Variants in DST observed in about 807,000 individuals in gnomAD.
The protein encoded by DST is dystonin, also known as bullous pemphigoid antigen.
Under a neutral mutation model 875.2 loss-of-function variants are expected in DST, and 253 were observed. The observed-to-expected ratio is 0.29, with a 90% CI of 0.26 to 0.32. The LOEUF (loss-of-function observed/expected upper bound fraction) is 0.32. Ranked by LOEUF, DST falls within the 10% of genes least tolerant of loss-of-function variation. DST has a pLI of 1.00. For synonymous variants in DST, 3,124 were observed against 3,197.1 expected (o/e 0.98, Z 0.77); for missense variants, 8,287 against 9,111.6 (o/e 0.91, Z 3.68).
intron 9 of DST, among the ~76,000 whole-genome samples, chr6:56,671,416 A>G (rs182294747): frequency 1.3e-5 from 2 of 152,332 alleles, no homozygotes; most frequent in Admixed American, 6.5e-5. Flanking sequence ...TCTCTCCTAT[A>G]TAACAATTTG....
At chr6:56,557,233 C>A in intron 59 of DST, 86 bp downstream of exon 59, 7 of 1,316,014 alleles carry the variant, frequency 5.3e-6, no homozygotes, top group Non-Finnish European at 7.5e-6. Context: ...ACCTACTGAC[C>A]AAAGTTAATA....
chr6:56,634,178 T>C lies in DST; in HGVS notation c.3575A>G (p.Tyr1192Cys), dbSNP rs968613595. Residue 1192 changes from tyrosine (Y) to cysteine (C), a missense_variant, in exon 27 of 104, where the codon TAT becomes TGT. Physicochemically the swap from Tyr to Cys is radical, Grantham distance 194 (BLOSUM62 -2). Around this residue, in one of 10 missense-constraint regions of DST, gnomAD observed 3,138 missense variants for 3,116.6 expected, o/e 1.01. Coordinates refer to ENST00000680361, the MANE Select transcript of DST (RefSeq NM_001374736.1). ...INMKSVVSWH[Y>C]LINEIDRIRA... is the part of the protein sequence containing the mutation. The stretch of plus-strand genomic sequence containing the variant: ...AATTCTATCAATTTCATTGATGAGA[T>C]AATGCCAGGATACTACACTCTTCAT... 3.1e-6 allele frequency: 5 copies of C among 1,613,520 alleles called. No individual in the cohort carries two copies. The highest frequency in any genetic ancestry group is 4.2e-6 in the Non-Finnish European group (5 of 1,179,998).
intron 36 of DST, among the ~76,000 whole-genome samples, chr6:56,622,851 T>C (rs1274868833): frequency 6.6e-6 from 1 of 152,228 alleles, no homozygotes; most frequent in Non-Finnish European, 1.5e-5. Context: ...GTAACATTTC[T>C]TTTAACTAAA....
At chr6:56,853,326 G>A (rs1247612199) in intron 3 of DST, among the ~76,000 whole-genome samples, 1 of 152,096 alleles carries the variant, frequency 6.6e-6, no homozygotes, top group Admixed American at 6.5e-5. Context: ...AGTGGCATTA[G>A]GTCAGTCACA....
intron 2 of DST, among the ~76,000 whole-genome samples, chr6:56,905,800 C>A (rs911306196): frequency 6.6e-6 from 1 of 152,090 alleles, no homozygotes; most frequent in Admixed American, 6.5e-5. Flanking sequence ...AGGCACAGGC[C>A]ACCGCACCCA....
At chr6:56,551,456 G>T (rs1157522658) in intron 61 of DST, among the ~76,000 whole-genome samples, 1 of 152,076 alleles carries the variant, frequency 6.6e-6, no homozygotes, top group East Asian at 1.9e-4. Context: ...ACCTATCTTT[G>T]TCCCCTATAC....
intron 3 of DST, among the ~76,000 whole-genome samples, chr6:56,860,253 A>G (rs571411483): frequency 6.6e-6 from 1 of 152,282 alleles, no homozygotes; most frequent in East Asian, 1.9e-4. Flanking sequence ...GTGATGGATG[A>G]CATTGCTGTA....
Position 56,651,241 on chromosome 6 carries a change from C to T in DST, c.1218G>A (p.Pro406=), listed in dbSNP as rs769082329. The change falls in exon 11 of 104, where the codon CCG becomes CCA. Residue 406 remains proline, a synonymous_variant. Transcript: ENST00000680361. Reference sequence around the variant, plus strand: ...CAACAGTATTCATATCTATCAGGTCCGGCCTAGGAAAAAATTCACTGTGTT... The same window carrying T: ...CAACAGTATTCATATCTATCAGGTCTGGCCTAGGAAAAAATTCACTGTGTT... ...LFNAIIHKYR[P]DLIDMNTVAV... The T allele has an allele frequency of 1.4e-5, 22 of 1,587,362 alleles. No individual in the cohort carries two copies. Among genetic ancestry groups the T allele is most frequent in the South Asian group, 3.4e-5 (3 of 87,394 alleles).
chr6:56,711,900 G>A (rs865870263), intron 5 of DST, among the ~76,000 whole-genome samples: 1 of 151,618 alleles, frequency 6.6e-6, no homozygotes, highest in African/African-American at 2.4e-5. Flanking sequence ...GACCATCCCG[G>A]CTAAAACGGT....
intron 5 of DST, among the ~76,000 whole-genome samples, chr6:56,721,737 T>C (rs1299648147): frequency 6.6e-6 from 1 of 152,204 alleles, no homozygotes. Flanking sequence ...ATCACATTCA[T>C]AGAACCACAG....
intron 55 of DST, among the ~76,000 whole-genome samples, chr6:56,563,565 T>C (rs987538713): frequency 9.2e-5 from 14 of 152,230 alleles, no homozygotes; most frequent in Admixed American, 2.6e-4. Flanking sequence ...TTTCTTATGC[T>C]GTGCAGAAGC....
Position 56,530,000 on chromosome 6 carries a change from G to C in DST, c.17242C>G (p.Leu5748Val). The change falls in exon 65 of 104, where the codon CTT becomes GTT. Residue 5748 changes from leucine to valine, a missense_variant. Transcript: ENST00000680361. The part of the protein sequence containing the change: ...CEPIGTQASK[L>V]EEQIAQHKAL... Reference sequence around the variant, plus strand: ...TTGTGCTGTGCAATTTGTTCCTCAAGTTTAGATGCTTGGGTTCCTATGGGT... The same window carrying C: ...TTGTGCTGTGCAATTTGTTCCTCAACTTTAGATGCTTGGGTTCCTATGGGT... 6.2e-7 allele frequency: 1 copy of C among 1,613,368 alleles called. No individual in the cohort carries two copies. The highest frequency in any genetic ancestry group is 8.5e-7 in the Non-Finnish European group (1 of 1,179,638).
intron 4 of DST, among the ~76,000 whole-genome samples, chr6:56,744,252 G>A (rs1420981877): frequency 1.3e-5 from 2 of 152,080 alleles, no homozygotes; most frequent in East Asian, 3.8e-4. Context: ...AAGAGTGGAG[G>A]GAGGGGAGCT....
At chr6:56,504,221 TAAA>T (rs1406997036) in intron 77 of DST, 123 bp from the exon 78 acceptor site, 2 of 668,060 alleles carry the variant, frequency 3.0e-6, no homozygotes, top group African/African-American at 1.9e-5. Flanking sequence ...GACTATTTTA[TAAA>T]AAATTAACAT....
rs372332188 is a variant in DST, at chr6:56,929,651, G to A, written c.216+24134C>T. 8.9e-4 allele frequency among the ~76,000 whole-genome samples: 136 copies of A among 152,136 alleles called. 4 individuals are homozygous for A. In the South Asian group the frequency reaches 0.027, roughly 30 times the overall value. ...TTATATGCTTTGATTTTTGAATCAC[G>A]TAAATGTTTTACCTTCTCAAAAATC... On this transcript the variant is annotated intron_variant, in intron 2 of 103. Coordinates refer to ENST00000680361, the MANE Select transcript of DST (RefSeq NM_001374736.1).
At chr6:56,529,810 A>G in intron 65 of DST, 36 bp from the exon 66 acceptor site, 1 of 1,472,178 alleles carries the variant, frequency 6.8e-7, no homozygotes, top group Non-Finnish European at 9.0e-7. Context: ...AAGAAAAACA[A>G]AAAGAATGGA....
At chr6:56,762,959 T>C (rs1422933917) in intron 4 of DST, among the ~76,000 whole-genome samples, 1 of 149,852 alleles carries the variant, frequency 6.7e-6, no homozygotes, top group Admixed American at 6.7e-5. Flanking sequence ...CAAGCGATTC[T>C]CCTACCTCAG....
Position 56,642,081 on chromosome 6 carries a change from T to C in DST, c.1893A>G (p.Ser631=). The C allele has an allele frequency of 6.2e-7, 1 of 1,612,584 alleles. No individual in the cohort carries two copies. Among genetic ancestry groups the C allele is most frequent in the African/African-American group, 1.3e-5 (1 of 75,026 alleles). ...CTGCTTCATTCTGAAACTGCACTCC[T>C]GATTCTAATCTTTTAGAATCCTGTA... is the stretch of plus-strand genomic sequence containing the variant. ...ALQSDSKRLE[S]GVQFQNEAEI... is the part of the protein sequence containing the mutation. Residue 631 remains serine (S), a synonymous_variant, in exon 17 of 104, where the codon TCA becomes TCG. Coordinates refer to ENST00000680361, the MANE Select transcript of DST (RefSeq NM_001374736.1).
chr6:56,811,980 T>C (rs2099760487), intron 4 of DST, among the ~76,000 whole-genome samples: 1 of 151,424 alleles, frequency 6.6e-6, no homozygotes, highest in Non-Finnish European at 1.5e-5. Context: ...AGCACACCTG[T>C]AGTCCCAGCT....
Sources: gnomAD v4.1 joint callset for allele counts (sites outside exome capture counted in the v4.1 genomes callset) on GRCh38, gnomAD v4.1.1 for gene constraint, gnomAD v4.1.1 regional missense constraint, MANE v1.5 for transcripts, NCBI Gene and HGNC (gene_info 2026-07-23, HGNC 2026-07-21) for gene names.